PHIP: variants seen among roughly 807,000 people sequenced by gnomAD.
PHIP encodes PHIP subunit of CUL4-Ring ligase complex.
Under a neutral mutation model 236.8 loss-of-function variants are expected in PHIP, and 54 were observed. That is an observed-to-expected ratio of 0.23 (90% confidence interval 0.18 to 0.29). The LOEUF is 0.29. Ranked by LOEUF, PHIP falls within the 10% of genes least tolerant of loss-of-function variation. PHIP has a pLI of 1.00. For synonymous variants in PHIP, 756 were observed against 718.9 expected, an observed-to-expected ratio of 1.05 and a Z score of -0.83; for missense variants, 1,370 against 2,190.8, an observed-to-expected ratio of 0.63 and a Z score of 7.48.
rs1471502570 is a variant in PHIP at position 78,982,881 on chromosome 6, C to A, written c.2769+5G>T. 6.5e-7 allele frequency: 1 copy of A among 1,536,130 alleles called. No homozygotes were observed. Among genetic ancestry groups the A allele is most frequent in the East Asian group, 2.3e-5 (1 of 44,336 alleles). On this transcript the variant is annotated splice_donor_5th_base_variant and intron_variant, in intron 23 of 39. Transcript: ENST00000275034. ...ACACCAAATTTGTAATGTTAAAAACCAAACCTTTTGTTTTCTTTCTTTGGG... is the reference window on the plus strand; with the variant it reads ...ACACCAAATTTGTAATGTTAAAAACAAAACCTTTTGTTTTCTTTCTTTGGG...
At chr6:79,063,507 C>G (rs1244700790) in intron 4 of PHIP, among the ~76,000 whole-genome samples, 1 of 152,158 alleles carries the variant, frequency 6.6e-6, no homozygotes, top group East Asian at 1.9e-4. Context: ...ACCTCCGCCT[C>G]CCAGGTTCAA....
chr6:78,988,383 T>C, intron 20 of PHIP, 34 bp from the exon 21 acceptor site: 1 of 1,483,886 alleles, frequency 6.7e-7, no homozygotes, highest in Non-Finnish European at 9.1e-7. Context: ...ATTCACAGAT[T>C]GTTTAAAGAG....
chr6:78,945,772 G>T, intron 38 of PHIP: 1 of 588,576 alleles, frequency 1.7e-6, no homozygotes, highest in Non-Finnish European at 3.0e-6. Flanking sequence ...TTTAAATTCA[G>T]GTAGTTTAGA....
chr6:79,010,208 T>C (rs957319233), intron 15 of PHIP, among the ~76,000 whole-genome samples: 1 of 151,798 alleles, frequency 6.6e-6, no homozygotes, highest in East Asian at 1.9e-4. Flanking sequence ...GAGCTTCTCT[T>C]TCTCCCTTTC....
At position 78,937,909 on chromosome 6, in the gene PHIP, T is replaced by C. The variant is rs1231374049; in HGVS notation, c.*2784A>G. The C allele has an allele frequency of 3.3e-5, 5 of 151,690 alleles. No individual in the cohort carries two copies. Among genetic ancestry groups the C allele is most frequent in the Non-Finnish European group, 7.4e-5 (5 of 67,630 alleles). 9.4% of individuals were successfully genotyped at this position (151,690 alleles called of 1,614,324 possible). On this transcript the variant is annotated 3_prime_UTR_variant, in exon 40 of 40. Transcript: ENST00000275034. ...GTACTTAGAAATACCTAAATTGGTTTACACTTTCCATGCATGTAAGAGTTA... is the reference window on the plus strand; with the variant it reads ...GTACTTAGAAATACCTAAATTGGTTCACACTTTCCATGCATGTAAGAGTTA...
chr6:79,063,229 C>G (rs1482843415), intron 4 of PHIP, among the ~76,000 whole-genome samples: 1 of 152,076 alleles, frequency 6.6e-6, no homozygotes, highest in East Asian at 1.9e-4. Flanking sequence ...ATACCTAATG[C>G]AGTACTTATA....
At chr6:78,971,229 C>T (rs1754516524) in intron 24 of PHIP, among the ~76,000 whole-genome samples, 1 of 152,116 alleles carries the variant, frequency 6.6e-6, no homozygotes, top group African/African-American at 2.4e-5. Context: ...ACTTTTTTAG[C>T]AAGTAGTTTG....
intron 23 of PHIP, among the ~76,000 whole-genome samples, chr6:78,981,644 G>T (rs1015595818): frequency 6.6e-6 from 1 of 151,900 alleles, no homozygotes; most frequent in Admixed American, 6.6e-5. Context: ...TGGGATGAAG[G>T]AACTGTTCTC....
chr6:78,951,281 C>T (rs1774128527), intron 35 of PHIP, among the ~76,000 whole-genome samples: 1 of 152,088 alleles, frequency 6.6e-6, no homozygotes, highest in African/African-American at 2.4e-5. Context: ...ATATCTTGGG[C>T]TTACACCATG....
intron 9 of PHIP, among the ~76,000 whole-genome samples, chr6:79,021,403 C>T (rs557576326): frequency 6.6e-6 from 1 of 152,344 alleles, no homozygotes; most frequent in East Asian, 1.9e-4. Flanking sequence ...CTGCCTTGGC[C>T]TCCCAAAGTG....
chr6:79,062,323 A>G (rs1310270297), intron 4 of PHIP, among the ~76,000 whole-genome samples: 1 of 152,180 alleles, frequency 6.6e-6, no homozygotes, highest in African/African-American at 2.4e-5. Flanking sequence ...TAGTATGATT[A>G]GCTAAATTAA....
chr6:79,034,244 T>C (rs1480162699), intron 7 of PHIP, among the ~76,000 whole-genome samples: 1 of 152,148 alleles, frequency 6.6e-6, no homozygotes, highest in East Asian at 1.9e-4. Context: ...CAAAATGCAA[T>C]AAAGGCACAA....
In PHIP at chr6:78,946,041, A is replaced by G; in HGVS notation, c.4590T>C (p.Phe1530=). ...QPSTSSAAKT[F]ITKANASAIP... is the part of the protein sequence containing the mutation. ...TTGCAGATGCATTAGCTTTTGTAAT[A>G]AAAGTCTTTGCAGCTGAAGAAGTAG... Residue 1530 remains phenylalanine, a synonymous_variant, in exon 38 of 40, where the codon TTT becomes TTC. Coordinates refer to ENST00000275034, the MANE Select transcript of PHIP (RefSeq NM_017934.7). 6.2e-7 allele frequency: 1 copy of G among 1,612,036 alleles called. No homozygotes were observed. Among genetic ancestry groups the G allele is most frequent in the Non-Finnish European group, 8.5e-7 (1 of 1,178,076 alleles).
chr6:78,969,403 C>A lies in PHIP; in HGVS notation c.3205+432G>T, dbSNP rs149710602. 7.9e-5 allele frequency among the ~76,000 whole-genome samples: 12 copies of A among 152,280 alleles called. No homozygotes were observed. In the East Asian group the frequency reaches 2.1e-3, roughly 27 times the overall value. ...CACCTTAAGTGCCTGAAAACTTTTA[C>A]AGATTTTAGTTTCTTTGAGACTTGT... On this transcript the variant is annotated intron_variant, in intron 27 of 39. Coordinates refer to ENST00000275034, the MANE Select transcript of PHIP (RefSeq NM_017934.7).
intron 6 of PHIP, among the ~76,000 whole-genome samples, chr6:79,054,162 C>T (rs746944129): frequency 9.3e-5 from 14 of 150,034 alleles, no homozygotes; most frequent in Admixed American, 2.0e-4. Flanking sequence ...CACAGCTAAC[C>T]TGTTTTTAAG....
intron 29 of PHIP, among the ~76,000 whole-genome samples, chr6:78,963,991 A>G (rs1766962573): frequency 6.6e-6 from 1 of 152,232 alleles, no homozygotes. Flanking sequence ...ATATTTAGGT[A>G]GGAAACAAAA....
Position 78,937,856 on chromosome 6 carries a change from G to C in PHIP, c.*2837C>G, listed in dbSNP as rs1773332523. The C allele has an allele frequency of 6.6e-6, 1 of 151,706 alleles. No homozygotes were observed. The highest frequency in any genetic ancestry group is 6.6e-5 in the Admixed American group (1 of 15,226). The allele number at this position is 151,706 out of a possible 1,614,324, so 9.4% of individuals were successfully genotyped here. A position where few individuals can be genotyped will look rare whatever the true frequency, so the allele number is the denominator to read the frequency against. On this transcript the variant is annotated 3_prime_UTR_variant, in exon 40 of 40. Coordinates refer to ENST00000275034, the MANE Select transcript of PHIP (RefSeq NM_017934.7). ...TTTCATCTGGGACTTGAGAATGTTG[G>C]AGTTGAGGGAGAGAATACTAGGGTT...
Position 79,025,499 on chromosome 6 carries a change from G to A in PHIP, c.923+20C>T, listed in dbSNP as rs141326360. The A allele has an allele frequency of 3.3e-4, 462 of 1,416,134 alleles. No homozygotes were observed. The highest frequency in any genetic ancestry group is 4.4e-4 in the Non-Finnish European group (438 of 1,001,382). The allele number at this position is 1,416,134 out of a possible 1,614,324, so 87.7% of individuals were successfully genotyped here. On this transcript the variant is annotated intron_variant, in intron 9 of 39. Transcript: ENST00000275034. ...ATTAAACTAAACACATTTAATCTATGAAATAAAATAGAAACTGACTTTATT... is the reference window on the plus strand; with the variant it reads ...ATTAAACTAAACACATTTAATCTATAAAATAAAATAGAAACTGACTTTATT...
chr6:78,967,088 A>T (rs556216033), intron 27 of PHIP, among the ~76,000 whole-genome samples: 1 of 152,328 alleles, frequency 6.6e-6, no homozygotes, highest in African/African-American at 2.4e-5. Flanking sequence ...ACTCAAAGAG[A>T]AAAGTAGTTA....
Sources: gnomAD v4.1 joint callset for allele counts (sites outside exome capture counted in the v4.1 genomes callset) on GRCh38, gnomAD v4.1.1 for gene constraint, MANE v1.5 for transcripts, NCBI Gene and HGNC (gene_info 2026-07-23, HGNC 2026-07-21) for gene names.